FNDC3B: variants seen among roughly 807,000 people sequenced by gnomAD.
The protein encoded by FNDC3B is fibronectin type III domain containing 3B.
Under a neutral mutation model 151.5 loss-of-function variants are expected in FNDC3B, and 12 were observed. That is an observed-to-expected ratio of 0.08 (90% CI 0.05 to 0.13). FNDC3B has a LOEUF of 0.13. Ranked by LOEUF, FNDC3B falls within the 10% of genes least tolerant of loss-of-function variation. The pLI, the probability that FNDC3B is intolerant of heterozygous loss-of-function variation, is 1.00. For missense variants in FNDC3B, 1,214 were observed against 1,505.3 expected (o/e 0.81, Z 3.20); for synonymous variants, 528 against 549.0 (o/e 0.96, Z 0.54).
intron 6 of FNDC3B, 108 bp from the exon 7 acceptor site, chr3:172,285,818 G>C (rs1729979385): frequency 1.3e-6 from 1 of 752,120 alleles, no homozygotes; most frequent in African/African-American, 1.8e-5. Context: ...ATGATAACAG[G>C]CAACTGATTT....
intron 6 of FNDC3B, among the ~76,000 whole-genome samples, chr3:172,277,047 G>T (rs920922400): frequency 3.0e-4 from 45 of 152,166 alleles, no homozygotes; most frequent in African/African-American, 1.0e-3. Context: ...TGTAGGAGAA[G>T]CTCCTTGTTC....
At chr3:172,328,498 T>C (rs1395121540) in intron 11 of FNDC3B, among the ~76,000 whole-genome samples, 1 of 152,160 alleles carries the variant, frequency 6.6e-6, no homozygotes, top group Non-Finnish European at 1.5e-5. Flanking sequence ...GACGGGTCTG[T>C]AGGTGCTCAG....
intron 23 of FNDC3B, among the ~76,000 whole-genome samples, chr3:172,371,351 A>G (rs1040451533): frequency 2.6e-5 from 4 of 152,026 alleles, no homozygotes; most frequent in Non-Finnish European, 5.9e-5. Context: ...TTCCCCCATT[A>G]TTTTCTATCT....
chr3:172,279,066 T>C lies in FNDC3B; in HGVS notation c.791-6860T>C, dbSNP rs118169208. On this transcript the variant is annotated intron_variant, in intron 6 of 25. Coordinates refer to ENST00000415807, the MANE Select transcript of FNDC3B (RefSeq NM_022763.4). ...ATGAGCATAGAATCTTACTAGTATT[T>C]CAGTTCATTAAAGACCTAGACCTGG... Among the ~76,000 whole-genome samples, 19 of 152,328 alleles carry C rather than the reference T, an allele frequency of 1.2e-4. No homozygotes were observed. In the East Asian group the frequency reaches 3.7e-3, roughly 29 times the overall value.
intron 4 of FNDC3B, among the ~76,000 whole-genome samples, chr3:172,242,909 C>A (rs1476621656): frequency 6.6e-6 from 1 of 152,174 alleles, no homozygotes; most frequent in Non-Finnish European, 1.5e-5. Flanking sequence ...AACTTAATGC[C>A]TTTAACAGCA....
chr3:172,056,582 A>G (rs1193170621), intron 1 of FNDC3B, among the ~76,000 whole-genome samples: 1 of 152,222 alleles, frequency 6.6e-6, no homozygotes, highest in Non-Finnish European at 1.5e-5. Context: ...CCAGTCTCTC[A>G]GTGTCTTAGC....
chr3:172,177,446 T>C (rs1185656300), intron 3 of FNDC3B, among the ~76,000 whole-genome samples: 2 of 152,152 alleles, frequency 1.3e-5, no homozygotes, highest in Admixed American at 6.5e-5. Context: ...TGAGTATGAA[T>C]GTGGTAGCTC....
chr3:172,218,478 C>T (rs889399556), intron 3 of FNDC3B, among the ~76,000 whole-genome samples: 1 of 152,182 alleles, frequency 6.6e-6, no homozygotes, highest in Admixed American at 6.5e-5. Flanking sequence ...ACTTGCTCAT[C>T]TAAGAAACTG....
chr3:172,325,251 C>T lies in FNDC3B; in HGVS notation c.1255-3701C>T, dbSNP rs9837118. ...AACTAAGTTTCCGAAGTCAAGTCAG[C>T]GTATCTCAGTAATCCTGTGTAGTCT... On this transcript the variant is annotated intron_variant, in intron 11 of 25. Coordinates refer to ENST00000415807, the MANE Select transcript of FNDC3B (RefSeq NM_022763.4). 9.8e-3 allele frequency among the ~76,000 whole-genome samples: 1,486 copies of T among 152,292 alleles called. 33 individuals carry two copies. Among genetic ancestry groups the T allele is most frequent in the African/African-American group, 0.034 (1,414 of 41,534 alleles).
chr3:172,327,386 G>A (rs1363489615), intron 11 of FNDC3B, among the ~76,000 whole-genome samples: 1 of 151,900 alleles, frequency 6.6e-6, no homozygotes, highest in Non-Finnish European at 1.5e-5. Context: ...GATGAATGTG[G>A]TGTGATTTTT....
intron 1 of FNDC3B, among the ~76,000 whole-genome samples, chr3:172,056,492 A>C (rs1312297715): frequency 2.6e-5 from 4 of 152,202 alleles, no homozygotes; most frequent in Non-Finnish European, 5.9e-5. Context: ...TACTCACTTA[A>C]CTTGGAGTTA....
At chr3:172,050,352 T>C (rs774557288) in intron 1 of FNDC3B, among the ~76,000 whole-genome samples, 2 of 152,076 alleles carry the variant, frequency 1.3e-5, no homozygotes, top group Non-Finnish European at 2.9e-5. Context: ...AAGGGTGTGA[T>C]AGTAATGTGT....
intron 25 of FNDC3B, among the ~76,000 whole-genome samples, chr3:172,383,693 T>A (rs534311349): frequency 1.3e-4 from 20 of 152,286 alleles, no homozygotes; most frequent in African/African-American, 4.6e-4. Context: ...AATCACATAA[T>A]AAACCCACAT....
chr3:172,272,977 C>A (rs1729272337), intron 6 of FNDC3B, among the ~76,000 whole-genome samples: 1 of 152,170 alleles, frequency 6.6e-6, no homozygotes, highest in Non-Finnish European at 1.5e-5. Context: ...CACAAAACTT[C>A]TTTGCTTTTT....
intron 11 of FNDC3B, among the ~76,000 whole-genome samples, chr3:172,324,127 G>T (rs558743418): frequency 1.3e-5 from 2 of 152,310 alleles, no homozygotes; most frequent in South Asian, 2.1e-4. Context: ...AGATGATCCA[G>T]TGGTGTCTAG....
At chr3:172,149,244 G>A (rs2108598570) in intron 3 of FNDC3B, among the ~76,000 whole-genome samples, 1 of 152,296 alleles carries the variant, frequency 6.6e-6, no homozygotes, top group South Asian at 2.1e-4. Flanking sequence ...CATTGGACTT[G>A]AATTTATACA....
At position 172,133,461 on chromosome 3, in the gene FNDC3B, G is replaced by T; in HGVS notation, c.112-10G>T. ...AGTATTAAACTGAAATTAATGTGTT[G>T]TTTTGGCAGGTTATTCTCGTTCAAG... On this transcript the variant is annotated splice_polypyrimidine_tract_variant and intron_variant, in intron 2 of 25. Transcript: ENST00000415807. 1 of 1,608,880 alleles carries T rather than the reference G, an allele frequency of 6.2e-7. No individual in the cohort carries two copies. The highest frequency in any genetic ancestry group is 8.5e-7 in the Non-Finnish European group (1 of 1,176,008).
chr3:172,277,805 A>G (rs1265225847), intron 6 of FNDC3B, among the ~76,000 whole-genome samples: 2 of 152,160 alleles, frequency 1.3e-5, no homozygotes, highest in East Asian at 3.9e-4. Flanking sequence ...TCCATTTTCC[A>G]TAGTCCTTAC....
intron 11 of FNDC3B, among the ~76,000 whole-genome samples, chr3:172,322,099 A>G (rs1047989985): frequency 1.3e-5 from 2 of 152,216 alleles, no homozygotes; most frequent in African/African-American, 4.8e-5. Flanking sequence ...TCACTTTCTT[A>G]TGCTTGTGGA....
Sources: gnomAD v4.1 joint callset for allele counts (sites outside exome capture counted in the v4.1 genomes callset) on GRCh38, gnomAD v4.1.1 for gene constraint, MANE v1.5 for transcripts, NCBI Gene and HGNC (gene_info 2026-07-23, HGNC 2026-07-21) for gene names.